Variants in CDIN1 observed in about 807,000 individuals in gnomAD.
The protein encoded by CDIN1 is CDAN1 interacting nuclease 1.
A neutral mutation model predicts 45.3 loss-of-function variants in CDIN1; 33 were observed. The ratio of observed to expected loss-of-function variants is 0.73; its 90% CI spans 0.55 to 0.97. The LOEUF is 0.97. Among genes scored for constraint, CDIN1 ranks in the 50% least tolerant of loss-of-function variants. The pLI, the probability that CDIN1 is intolerant of heterozygous loss-of-function variation, is 0.00. For missense variants in CDIN1, 303 were observed against 339.4 expected (o/e 0.89, Z 0.84); for synonymous variants, 118 against 124.4 (o/e 0.95, Z 0.34).
intron 10 of CDIN1, among the ~76,000 whole-genome samples, chr15:36,739,378 C>G (rs2044150403): frequency 6.6e-6 from 1 of 152,084 alleles, no homozygotes; most frequent in African/African-American, 2.4e-5. Context: ...GTACTGAAGC[C>G]TAGGCAATAG....
intron 5 of CDIN1, among the ~76,000 whole-genome samples, chr15:36,690,989 C>A (rs2042228089): frequency 6.6e-6 from 1 of 152,092 alleles, no homozygotes; most frequent in Non-Finnish European, 1.5e-5. Flanking sequence ...TCTTCTATAG[C>A]AGTTCCCTTG....
At chr15:36,636,967 A>C (rs723830) in intron 1 of CDIN1, among the ~76,000 whole-genome samples, 15 of 152,144 alleles carry the variant, frequency 9.9e-5, no homozygotes, top group African/African-American at 3.6e-4. Context: ...GAAACATTAC[A>C]TATAGTGGGT....
chr15:36,802,281 T>C (rs1477612063), intron 10 of CDIN1, among the ~76,000 whole-genome samples: 1 of 152,124 alleles, frequency 6.6e-6, no homozygotes, highest in East Asian at 1.9e-4. Flanking sequence ...CACTGCCTGC[T>C]CAGTAAATAT....
chr15:36,608,767 A>G (rs2038500183), intron 1 of CDIN1, among the ~76,000 whole-genome samples: 1 of 152,124 alleles, frequency 6.6e-6, no homozygotes, highest in Non-Finnish European at 1.5e-5. Context: ...TGTTCAATAC[A>G]CTATTTTAGT....
At chr15:36,761,866 G>GA (rs1313799898) in intron 10 of CDIN1, among the ~76,000 whole-genome samples, 2 of 152,096 alleles carry the variant, frequency 1.3e-5, no homozygotes. Flanking sequence ...TTTGGAAAGG[G>GA]AAAAAATAAA....
chr15:36,764,848 G>A (rs2053869810), intron 10 of CDIN1, among the ~76,000 whole-genome samples: 1 of 152,116 alleles, frequency 6.6e-6, no homozygotes, highest in Non-Finnish European at 1.5e-5. Context: ...ACAGACACAT[G>A]CCCTTCTTTG....
chr15:36,755,054 G>T (rs1434754313), intron 10 of CDIN1, among the ~76,000 whole-genome samples: 1 of 152,052 alleles, frequency 6.6e-6, no homozygotes, highest in African/African-American at 2.4e-5. Context: ...ACTGAAGTAG[G>T]CCTTTTGAAG....
At chr15:36,773,067 T>G (rs1463003603) in intron 10 of CDIN1, among the ~76,000 whole-genome samples, 1 of 149,876 alleles carries the variant, frequency 6.7e-6, no homozygotes, top group Non-Finnish European at 1.5e-5. Flanking sequence ...ATCCTGTTTG[T>G]GGGGGGTGGG....
intron 10 of CDIN1, among the ~76,000 whole-genome samples, chr15:36,719,242 C>T (rs150444008): frequency 1.3e-5 from 2 of 152,090 alleles, no homozygotes; most frequent in African/African-American, 4.8e-5. Flanking sequence ...ATAGAAAAGA[C>T]TGATGTTAGC....
chr15:36,692,030 G>C (rs2042271277), intron 6 of CDIN1, 96 bp from the exon 7 acceptor site: 1 of 1,174,398 alleles, frequency 8.5e-7, no homozygotes, highest in South Asian at 1.6e-5. Flanking sequence ...GGGCGGGGGT[G>C]GGGGAAGAAA....
At chr15:36,624,705 G>T (rs924925369) in intron 1 of CDIN1, among the ~76,000 whole-genome samples, 1 of 152,114 alleles carries the variant, frequency 6.6e-6, no homozygotes, top group Non-Finnish European at 1.5e-5. Flanking sequence ...GTAATTGGGG[G>T]TTGGGATGGG....
At chr15:36,590,909 A>T (rs556617295) in intron 1 of CDIN1, among the ~76,000 whole-genome samples, 13 of 152,384 alleles carry the variant, frequency 8.5e-5, no homozygotes, top group African/African-American at 3.1e-4. Flanking sequence ...TGACTTGTGC[A>T]TCCTCAGATC....
chr15:36,734,360 AG>A (rs1185861254), intron 10 of CDIN1: 1 of 431,220 alleles, frequency 2.3e-6, no homozygotes, highest in East Asian at 7.0e-5. Flanking sequence ...AGAATTCCAG[AG>A]GTACTTTATT....
chr15:36,622,004 T>C (rs1455518667), intron 1 of CDIN1, among the ~76,000 whole-genome samples: 2 of 152,168 alleles, frequency 1.3e-5, no homozygotes, highest in Non-Finnish European at 1.5e-5. Flanking sequence ...AATGTATCTT[T>C]CTTTTCCCTG....
intron 1 of CDIN1, among the ~76,000 whole-genome samples, chr15:36,597,308 G>A (rs1045169762): frequency 3.3e-5 from 5 of 152,104 alleles, no homozygotes; most frequent in Non-Finnish European, 5.9e-5. Context: ...GCAAGAATTT[G>A]CAATGCTCAA....
At chr15:36,784,225 G>C (rs1278070145) in intron 10 of CDIN1, among the ~76,000 whole-genome samples, 1 of 152,106 alleles carries the variant, frequency 6.6e-6, no homozygotes, top group African/African-American at 2.4e-5. Context: ...GGAGAGATTT[G>C]AGATAAAAAC....
chr15:36,679,676 A>C (rs1253998269), intron 5 of CDIN1, among the ~76,000 whole-genome samples: 1 of 152,160 alleles, frequency 6.6e-6, no homozygotes, highest in Non-Finnish European at 1.5e-5. Flanking sequence ...ATGACTTTCA[A>C]GTCTAGATCA....
intron 10 of CDIN1, among the ~76,000 whole-genome samples, chr15:36,787,807 A>G (rs2054529836): frequency 2.0e-5 from 3 of 151,656 alleles, no homozygotes. Flanking sequence ...ATATATAGCC[A>G]TAGGAATCAT....
At chr15:36,632,757 A>C (rs1277514517) in intron 1 of CDIN1, among the ~76,000 whole-genome samples, 1 of 152,246 alleles carries the variant, frequency 6.6e-6, no homozygotes, top group Admixed American at 6.5e-5. Context: ...CATGTAGGGC[A>C]AGAGAAGACT....
Sources: gnomAD v4.1 joint callset for allele counts (sites outside exome capture counted in the v4.1 genomes callset) on GRCh38, gnomAD v4.1.1 for gene constraint, MANE v1.5 for transcripts, NCBI Gene and HGNC (gene_info 2026-07-23, HGNC 2026-07-21) for gene names.